The following USP24 variants were observed in gnomAD, a reference collection of about 807,000 sequenced individuals.
USP24 encodes ubiquitin carboxyl-terminal hydrolase 24.
USP24 carries 97 observed loss-of-function variants against 361.6 expected under a neutral mutation model. That is an observed-to-expected ratio of 0.27 (90% CI 0.23 to 0.32). The LOEUF (loss-of-function observed/expected upper bound fraction) is 0.32, where lower values mean the gene tolerates loss of function less well. USP24 is among the 10% of genes least tolerant of loss of function. USP24 has a pLI of 1.00. For missense variants in USP24, 2,353 were observed against 3,165.6 expected, an observed-to-expected ratio of 0.74 and a Z score of 6.16; for synonymous variants, 1,098 against 1,124.6, an observed-to-expected ratio of 0.98 and a Z score of 0.47.
intron 23 of USP24, among the ~76,000 whole-genome samples, chr1:55,142,022 C>T (rs1001417923): frequency 5.3e-5 from 8 of 152,028 alleles, no homozygotes; most frequent in East Asian, 3.9e-4. Flanking sequence ...AAGGGGTATT[C>T]GAATACTTGA....
At chr1:55,139,108 A>C (rs1646818131) in intron 24 of USP24, 98 bp from the exon 25 acceptor site, 1 of 1,078,756 alleles carries the variant, frequency 9.3e-7, no homozygotes, top group East Asian at 2.6e-5. Flanking sequence ...AACAGTTAGC[A>C]CTCACTGGTC....
chr1:55,188,775 A>G (rs1644203162), intron 1 of USP24, among the ~76,000 whole-genome samples: 2 of 151,986 alleles, frequency 1.3e-5, no homozygotes, highest in South Asian at 4.2e-4. Flanking sequence ...CCTGTCCAAC[A>G]TAGTGAAACC....
rs1646675487 is a variant in USP24, at chr1:55,134,373, T to A, written c.3242A>T (p.Asn1081Ile). Residue 1081 changes from asparagine to isoleucine, a missense_variant, in exon 29 of 68, where the codon AAC (asparagine) becomes ATC (isoleucine). Asn to Ile is a moderately radical substitution (Grantham distance 149). Transcript: ENST00000294383. Reference sequence around the variant, plus strand: ...GAGCTGATAAAGCATGTCAAATACGTTACATACGAGAGCCATCACTACACC... The same window carrying A: ...GAGCTGATAAAGCATGTCAAATACGATACATACGAGAGCCATCACTACACC... ...LPGVVMALVC[N>I]VFDMLYQLAN... is the part of the protein sequence containing the mutation. The A allele has an allele frequency of 6.2e-7, 1 of 1,613,042 alleles. No homozygotes were observed. Among genetic ancestry groups the A allele is most frequent in the Non-Finnish European group, 8.5e-7 (1 of 1,179,280 alleles).
chr1:55,151,164 A>C (rs1647182405), intron 16 of USP24, among the ~76,000 whole-genome samples: 1 of 134,114 alleles, frequency 7.5e-6, no homozygotes, highest in Non-Finnish European at 1.7e-5. Context: ...ACTTCTCTAT[A>C]ACAATGCTCT....
chr1:55,106,067 A>G (rs1645764931), intron 41 of USP24, 79 bp downstream of exon 41: 2 of 1,118,914 alleles, frequency 1.8e-6, no homozygotes, highest in Non-Finnish European at 2.7e-6. Context: ...GACAAACTCC[A>G]AGTTAACAAA....
chr1:55,155,092 C>G (rs1388217660), intron 12 of USP24, among the ~76,000 whole-genome samples: 1 of 151,752 alleles, frequency 6.6e-6, no homozygotes, highest in Non-Finnish European at 1.5e-5. Flanking sequence ...TTTTCAACTG[C>G]TGAAAGATTT....
At chr1:55,080,191 C>T (rs1175498524) in intron 59 of USP24, among the ~76,000 whole-genome samples, 3 of 152,118 alleles carry the variant, frequency 2.0e-5, no homozygotes, top group Non-Finnish European at 2.9e-5. Flanking sequence ...GCTAGAAAAA[C>T]CAGAATGCAT....
At chr1:55,147,858 TA>T in intron 17 of USP24, 60 bp from the exon 18 acceptor site, 2 of 1,549,470 alleles carry the variant, frequency 1.3e-6, no homozygotes, top group Non-Finnish European at 1.8e-6. Flanking sequence ...TTTGCTGGTT[TA>T]ATACAAGCTG....
At chr1:55,148,383 A>G in intron 17 of USP24, 80 bp downstream of exon 17, 1 of 1,045,676 alleles carries the variant, frequency 9.6e-7, no homozygotes, top group South Asian at 1.5e-5. Flanking sequence ...GTGACTATAA[A>G]CTCAGCAATT....
intron 49 of USP24, 35 bp from the exon 50 acceptor site, chr1:55,096,657 T>TA: frequency 1.3e-6 from 2 of 1,588,096 alleles, no homozygotes; most frequent in African/African-American, 1.4e-5. Flanking sequence ...ATTATAAGGT[T>TA]AAAAAAATCA....
rs1265329409 is a variant in USP24, at chr1:55,092,141, C to T, written c.6451-15G>A. ...TTTAATTTAGTCTAAGAGAGGGAAACATGAAAGAGGATATTTTTCACAGAA... is the reference window on the plus strand; with the variant it reads ...TTTAATTTAGTCTAAGAGAGGGAAATATGAAAGAGGATATTTTTCACAGAA... On this transcript the variant is annotated splice_polypyrimidine_tract_variant and intron_variant, in intron 53 of 67. Transcript: ENST00000294383. 6.3e-7 allele frequency: 1 copy of T among 1,575,028 alleles called. No individual in the cohort carries two copies. The highest frequency in any genetic ancestry group is 1.7e-5 in the Admixed American group (1 of 57,172).
chr1:55,085,850 G>A, intron 56 of USP24, 92 bp downstream of exon 56: 1 of 1,326,496 alleles, frequency 7.5e-7, no homozygotes, highest in East Asian at 2.3e-5. Flanking sequence ...AAAATTACCA[G>A]ACTCCAATCC....
intron 59 of USP24, among the ~76,000 whole-genome samples, 191 bp downstream of exon 59, chr1:55,081,131 C>T (rs1645140984): frequency 6.6e-6 from 1 of 152,068 alleles, no homozygotes; most frequent in African/African-American, 2.4e-5. Flanking sequence ...TGAATGATGA[C>T]TCACTTTCTC....
intron 1 of USP24, among the ~76,000 whole-genome samples, chr1:55,212,949 C>G (rs1557718313): frequency 2.0e-5 from 3 of 152,178 alleles, no homozygotes; most frequent in Admixed American, 2.0e-4. Flanking sequence ...TTTGTACTTA[C>G]ATGTACTGGC....
chr1:55,078,701 C>T (rs750660521), intron 60 of USP24, 50 bp from the exon 61 acceptor site: 2 of 1,439,804 alleles, frequency 1.4e-6, no homozygotes, highest in South Asian at 1.3e-5. Flanking sequence ...ACAGTTAACA[C>T]TCCATCTGTT....
intron 38 of USP24, among the ~76,000 whole-genome samples, chr1:55,111,170 T>C (rs901396773): frequency 2.6e-5 from 4 of 151,980 alleles, no homozygotes; most frequent in Non-Finnish European, 4.4e-5. Context: ...ACTATCATCA[T>C]CATACTACTG....
rs866067509 is a variant in USP24 at position 55,120,627 on chromosome 1, G to A, written c.4477C>T (p.Pro1493Ser). Residue 1493 changes from proline (P) to serine (S), a missense_variant, in exon 38 of 68, where the codon CCA becomes TCA. Pro to Ser is a moderately conservative substitution (Grantham distance 74). Coordinates refer to ENST00000294383, the MANE Select transcript of USP24 (RefSeq NM_015306.3). ...TTGACTCCTCTCATAATACTAGTTG[G>A]AGACCAGAGAGGCAGCTGAGCCGTG... ...ILTAQLPLWS[P>S]TSIMRGVNQR... The A allele has an allele frequency of 2.6e-6, 4 of 1,557,124 alleles. No individual in the cohort carries two copies. Among genetic ancestry groups the A allele is most frequent in the Admixed American group, 3.9e-5 (2 of 51,438 alleles).
Position 55,097,278 on chromosome 1 carries a change from A to G in USP24, c.5716-106T>C. The G allele has an allele frequency of 3.2e-6, 4 of 1,255,700 alleles. No homozygotes were observed. In the South Asian group the frequency reaches 6.0e-5, roughly 19 times the overall value. 77.8% of individuals were successfully genotyped at this position (1,255,700 alleles called of 1,614,324 possible). A position where few individuals can be genotyped will look rare whatever the true frequency, so the allele number is the denominator to read the frequency against. On this transcript the variant is annotated intron_variant, in intron 48 of 67. Coordinates refer to ENST00000294383, the MANE Select transcript of USP24 (RefSeq NM_015306.3). ...AGGAAGTGTTTTCCTAGTTTAAGCT[A>G]GGAACAACTACCTCACCAGTTCAAG...
At chr1:55,127,900 T>G in intron 32 of USP24, among the ~76,000 whole-genome samples, 1 of 152,148 alleles carries the variant, frequency 6.6e-6, no homozygotes, top group East Asian at 1.9e-4. Flanking sequence ...GCCCTGACGC[T>G]ACCTTCCTGC....
Sources: allele counts gnomAD v4.1 joint callset (sites outside exome capture counted in the v4.1 genomes callset), GRCh38; gene constraint gnomAD v4.1.1; transcripts MANE v1.5; gene names NCBI Gene and HGNC (gene_info 2026-07-23, HGNC 2026-07-21).